The following ADGRD1 variants were observed in gnomAD, a reference collection of about 807,000 sequenced individuals.
ADGRD1 encodes G-protein coupled receptor 133.
ADGRD1 carries 77 observed loss-of-function variants against 113.4 expected under a neutral mutation model. The ratio of observed to expected loss-of-function variants is 0.68; its 90% CI spans 0.57 to 0.82. The LOEUF (loss-of-function observed/expected upper bound fraction) is 0.82. Ranked by LOEUF, ADGRD1 falls within the 40% of genes least tolerant of loss-of-function variation. The pLI is 0.00. For synonymous variants in ADGRD1, 474 were observed against 475.0 expected, an observed-to-expected ratio of 1.00 and a Z score of 0.03; for missense variants, 1,036 against 1,139.1, an observed-to-expected ratio of 0.91 and a Z score of 1.30.
chr12:131,101,481 G>A (rs929149392), intron 15 of ADGRD1, among the ~76,000 whole-genome samples: 29 of 132,078 alleles, frequency 2.2e-4, no homozygotes, highest in East Asian at 5.0e-4. Context: ...TTCACCTCCC[G>A]GGTTCAAGTG....
chr12:131,122,052 C>G (rs1476167288), intron 20 of ADGRD1: 2 of 152,240 alleles, frequency 1.3e-5, no homozygotes, highest in Non-Finnish European at 2.9e-5. Flanking sequence ...GCTTTCCCTT[C>G]GGTACTTCCA....
In ADGRD1 at chr12:131,084,666, A is replaced by G. The variant is rs1886325894; in HGVS notation, c.1671+3A>G. The G allele has an allele frequency of 1.2e-6, 2 of 1,613,752 alleles. No homozygotes were observed. Among genetic ancestry groups the G allele is most frequent in the South Asian group, 2.2e-5 (2 of 91,060 alleles). On this transcript the variant is annotated splice_donor_region_variant and intron_variant, in intron 15 of 24. Coordinates refer to ENST00000261654, the MANE Select transcript of ADGRD1 (RefSeq NM_198827.5). The surrounding 1 kb of genome is among the most constrained non-coding windows in gnomAD (Gnocchi z 4.5). ...TCATGCAGGTGGTCCCGCTGGAGGT[A>G]AGAGCCAGGCCTCAGGGGTCGCGGG...
chr12:130,991,210 C>T (rs1018925149), intron 7 of ADGRD1, 132 bp downstream of exon 7: 2 of 675,522 alleles, frequency 3.0e-6, no homozygotes, highest in Non-Finnish European at 5.1e-6. Context: ...GAAGAAATAA[C>T]AAATGGAGGG....
rs547106893 is a variant in ADGRD1 at position 131,072,883 on chromosome 12, C to T, written c.1474-3918C>T. 2.6e-3 allele frequency among the ~76,000 whole-genome samples: 390 copies of T among 152,332 alleles called. 2 individuals are homozygous for T. Among genetic ancestry groups the T allele is most frequent in the African/African-American group, 8.1e-3 (336 of 41,566 alleles). Reference sequence around the variant, plus strand: ...GAGCAGCATCTGTGGGTATCCTTGGCGCCCCAAGGCACTGCTCACCTCTGC... The same window carrying T: ...GAGCAGCATCTGTGGGTATCCTTGGTGCCCCAAGGCACTGCTCACCTCTGC... On this transcript the variant is annotated intron_variant, in intron 13 of 24. Transcript: ENST00000261654.
At chr12:131,028,680 C>T (rs1880262135) in intron 13 of ADGRD1, among the ~76,000 whole-genome samples, 1 of 152,184 alleles carries the variant, frequency 6.6e-6, no homozygotes, top group Non-Finnish European at 1.5e-5. Flanking sequence ...CCCAGCTCCA[C>T]GTGTGGGAAG....
At chr12:131,059,249 C>T (rs1220584930) in intron 13 of ADGRD1, among the ~76,000 whole-genome samples, 2 of 152,164 alleles carry the variant, frequency 1.3e-5, no homozygotes, top group African/African-American at 2.4e-5. Flanking sequence ...CATCCTGGCT[C>T]ACTGCAGCCA....
At chr12:131,104,040 G>A (rs917244130) in intron 15 of ADGRD1, among the ~76,000 whole-genome samples, 3 of 152,200 alleles carry the variant, frequency 2.0e-5, no homozygotes, top group Non-Finnish European at 2.9e-5. Flanking sequence ...CTGCGGCTTC[G>A]GTTCTATCCT....
chr12:131,116,305 A>G (rs1479157595), intron 18 of ADGRD1, among the ~76,000 whole-genome samples: 3 of 152,190 alleles, frequency 2.0e-5, no homozygotes, highest in Admixed American at 2.0e-4. Flanking sequence ...CTGGGCCCCA[A>G]CTGTGCGCCT....
chr12:131,099,689 G>A (rs1294896924), intron 15 of ADGRD1, among the ~76,000 whole-genome samples: 1 of 152,136 alleles, frequency 6.6e-6, no homozygotes, highest in Non-Finnish European at 1.5e-5. Flanking sequence ...GTTTTCAAAG[G>A]TCATTTTGAT....
At chr12:130,976,336 C>T (rs1392722409) in intron 4 of ADGRD1, among the ~76,000 whole-genome samples, 1 of 152,080 alleles carries the variant, frequency 6.6e-6, no homozygotes, top group African/African-American at 2.4e-5. Context: ...AAACTGAGGC[C>T]CAGAGAGGAT....
Position 130,987,328 on chromosome 12 carries a change from A to G in ADGRD1, c.724A>G (p.Met242Val). The change falls in exon 6 of 25, where the codon ATG becomes GTG. Residue 242 changes from methionine to valine, a missense_variant. Coordinates refer to ENST00000261654, the MANE Select transcript of ADGRD1 (RefSeq NM_198827.5). ...GGCTCTGACTCCGGATGAGATCGCC[A>G]TGTACTTCACTGCTGCCATTGGTCA... ...ERALTPDEIAMYFTAAIGKHA... is the reference protein window; with the variant it reads ...ERALTPDEIAVYFTAAIGKHA... 2 of 1,614,186 alleles carry G rather than the reference A, an allele frequency of 1.2e-6. No homozygotes were observed. The highest frequency in any genetic ancestry group is 1.7e-6 in the Non-Finnish European group (2 of 1,180,032).
At chr12:131,068,863 A>C (rs780415426) in intron 13 of ADGRD1, among the ~76,000 whole-genome samples, 2 of 152,244 alleles carry the variant, frequency 1.3e-5, no homozygotes, top group Non-Finnish European at 2.9e-5. Context: ...CCAAATTGAA[A>C]AGCTGTAACA....
intron 13 of ADGRD1, among the ~76,000 whole-genome samples, chr12:131,021,456 C>T (rs1450672843): frequency 6.6e-6 from 1 of 152,164 alleles, no homozygotes; most frequent in Non-Finnish European, 1.5e-5. Flanking sequence ...TAGGCCGATG[C>T]TGTGCGTCTT....
chr12:131,075,897 GCTTGA>G lies in ADGRD1; in HGVS notation c.1474-896_1474-892del, dbSNP rs1885564908. The stretch of plus-strand genomic sequence containing the variant: ...AGCAGGCATCGGACAAATAAGAGAT[GCTTGA>G]CTTGACTGACTGGGAATCCATCAGA... On this transcript the variant is annotated intron_variant, in intron 13 of 24. Coordinates refer to ENST00000261654, the MANE Select transcript of ADGRD1 (RefSeq NM_198827.5). The surrounding 1 kb of genome is among the most constrained non-coding windows in gnomAD (Gnocchi z 5.3). Among the ~76,000 whole-genome samples the G allele has an allele frequency of 6.6e-6, 1 of 152,292 alleles. No individual in the cohort carries two copies. The highest frequency in any genetic ancestry group is 1.9e-4 in the East Asian group (1 of 5,176).
At chr12:130,995,178 G>A (rs1196689665) in intron 8 of ADGRD1, among the ~76,000 whole-genome samples, 1 of 152,154 alleles carries the variant, frequency 6.6e-6, no homozygotes, top group Non-Finnish European at 1.5e-5. Flanking sequence ...GTGAGACAGG[G>A]ACAAAGTAGG....
chr12:131,012,632 G>A (rs1424794670), intron 12 of ADGRD1, among the ~76,000 whole-genome samples: 1 of 152,220 alleles, frequency 6.6e-6, no homozygotes, highest in Non-Finnish European at 1.5e-5. Flanking sequence ...GGTGGGACGT[G>A]CTCCTGCTCC....
intron 13 of ADGRD1, among the ~76,000 whole-genome samples, chr12:131,072,197 C>T (rs925651290): frequency 8.6e-5 from 13 of 151,910 alleles, no homozygotes; most frequent in African/African-American, 2.7e-4. Context: ...TCTTCTCAAA[C>T]GGGACTCCTG....
At chr12:131,067,280 A>AGCTG (rs1566079327) in intron 13 of ADGRD1, among the ~76,000 whole-genome samples, 7 of 152,186 alleles carry the variant, frequency 4.6e-5, no homozygotes, top group African/African-American at 1.7e-4. Flanking sequence ...AGCTGGAGCT[A>AGCTG]GAATGGAGGA....
intron 13 of ADGRD1, among the ~76,000 whole-genome samples, chr12:131,016,049 G>T (rs556060197): frequency 6.6e-6 from 1 of 152,170 alleles, no homozygotes; most frequent in East Asian, 1.9e-4. Context: ...TGCTGGTGTC[G>T]TTCCCTGTGC....
Sources: gnomAD v4.1 joint callset for allele counts (sites outside exome capture counted in the v4.1 genomes callset) on GRCh38, gnomAD v4.1.1 for gene constraint, Gnocchi (gnomAD v3.1) non-coding constraint, MANE v1.5 for transcripts, NCBI Gene and HGNC (gene_info 2026-07-23, HGNC 2026-07-21) for gene names.